The following TASOR2 variants were observed in gnomAD, a reference collection of about 807,000 sequenced individuals.
The protein encoded by TASOR2 is protein TASOR 2.
In TASOR2, 84 loss-of-function variants were observed where a neutral mutation model predicts 199.5. That is an observed-to-expected ratio of 0.42 (90% CI 0.35 to 0.50). The LOEUF is 0.50. Ranked by LOEUF, TASOR2 falls within the 20% of genes least tolerant of loss-of-function variation. The pLI is 0.02. For synonymous variants in TASOR2, 1,103 were observed against 1,046.6 expected, an observed-to-expected ratio of 1.05 and a Z score of -1.04; for missense variants, 2,796 against 2,835.9, an observed-to-expected ratio of 0.99 and a Z score of 0.32.
chr10:5,749,758 A>G, exon 15 of TASOR2: 1 of 1,614,050 alleles, frequency 6.2e-7, no homozygotes, highest in Non-Finnish European at 8.5e-7. Flanking sequence ...ACTTATTCTC[A>G]ATGAGTATGC....
chr10:5,752,440 G>A lies in TASOR2; in HGVS notation c.6606+2413G>A, dbSNP rs1400192331. Among the ~76,000 whole-genome samples, 1 of 152,118 alleles carries A rather than the reference G, an allele frequency of 6.6e-6. No individual in the cohort carries two copies. Among genetic ancestry groups the A allele is most frequent in the Non-Finnish European group, 1.5e-5 (1 of 68,016 alleles). Reference sequence around the variant, plus strand: ...GCCGTGTGTCGGTTCCACACATGAGGGGCCTGCAGGCCACGTGCAGGCCGT... The same window carrying A: ...GCCGTGTGTCGGTTCCACACATGAGAGGCCTGCAGGCCACGTGCAGGCCGT... On this transcript the variant is annotated intron_variant, in intron 15 of 20. Transcript: ENST00000328090. This position sits in a 1 kb window ranked among gnomAD's most constrained non-coding sequence, Gnocchi z 4.4.
intron 1 of TASOR2, among the ~76,000 whole-genome samples, chr10:5,705,667 A>G (rs1245022563): frequency 1.3e-5 from 2 of 152,148 alleles, no homozygotes; most frequent in Admixed American, 6.5e-5. Flanking sequence ...TAGCCATTCT[A>G]CTGGAGCAGT....
At chr10:5,724,676 T>C (rs1440534995) in intron 8 of TASOR2, 143 bp downstream of exon 9, 3 of 178,540 alleles carry the variant, frequency 1.7e-5, no homozygotes, top group Non-Finnish European at 3.5e-5. Context: ...TATATAGATA[T>C]AGATCGATAT....
At chr10:5,727,294 C>A (rs565570982) in intron 10 of TASOR2, among the ~76,000 whole-genome samples, 171 bp downstream of exon 11, 340 of 152,332 alleles carry the variant, frequency 2.2e-3, no homozygotes, top group Non-Finnish European at 3.4e-3. Flanking sequence ...GTTTATGCTT[C>A]CCTCTGAGCC....
intron 8 of TASOR2, 26 bp from the exon 10 acceptor site, chr10:5,726,859 A>G (rs1834115867): frequency 6.3e-7 from 1 of 1,589,606 alleles, no homozygotes; most frequent in African/African-American, 1.3e-5. Context: ...ATATTCCTTC[A>G]GTTGAATTTT....
At chr10:5,735,008 T>C (rs1435406934) in intron 11 of TASOR2, among the ~76,000 whole-genome samples, 1 of 152,088 alleles carries the variant, frequency 6.6e-6, no homozygotes, top group African/African-American at 2.4e-5. Flanking sequence ...GTTTTGTTTG[T>C]TTGTTTGTTT....
In TASOR2 at chr10:5,699,068, A is replaced by G. The variant is rs1009611244; in HGVS notation, c.-287-13755A>G. Among the ~76,000 whole-genome samples the G allele has an allele frequency of 3.9e-5, 6 of 152,358 alleles. No individual in the cohort carries two copies. The highest frequency in any genetic ancestry group is 1.4e-4 in the African/African-American group (6 of 41,590). Reference sequence around the variant, plus strand: ...TAATTATTCATAATAGCCAAAATGTAGAAACAACCCAAATGTGCATCAGTT... The same window carrying G: ...TAATTATTCATAATAGCCAAAATGTGGAAACAACCCAAATGTGCATCAGTT... On this transcript the variant is annotated intron_variant, in intron 1 of 20. Coordinates refer to ENST00000328090, the Ensembl canonical transcript of TASOR2. The surrounding 1 kb of genome is among the most constrained non-coding windows in gnomAD (Gnocchi z 4.1).
At chr10:5,712,361 A>G (rs1832034577) in intron 1 of TASOR2, 2 of 1,230,078 alleles carry the variant, frequency 1.6e-6, no homozygotes, top group Non-Finnish European at 2.0e-6. Context: ...TGGAATCTTA[A>G]ATAGCTGCGT....
chr10:5,756,900 C>G (rs1839042948), intron 16 of TASOR2, among the ~76,000 whole-genome samples, 162 bp downstream of exon 17: 1 of 152,040 alleles, frequency 6.6e-6, no homozygotes, highest in South Asian at 2.1e-4. Context: ...TGCAATATTA[C>G]CAAGTTATTT....
At chr10:5,724,319 T>C in intron 7 of TASOR2, 111 bp from the exon 9 acceptor site, 1 of 444,220 alleles carries the variant, frequency 2.3e-6, no homozygotes, top group Non-Finnish European at 4.1e-6. Context: ...TAAAGGTTTC[T>C]GAGTAGTATT....
In TASOR2 at chr10:5,736,676, G is replaced by A. The variant is rs556631487; in HGVS notation, c.1447+1130G>A. ...CTGCTCCAGTTTTGTATTTTCAACT[G>A]CTAGATATAACCTCTGTACTAGAAA... On this transcript the variant is annotated intron_variant, in intron 12 of 20. Coordinates refer to ENST00000328090, the Ensembl canonical transcript of TASOR2. Among the ~76,000 whole-genome samples the A allele has an allele frequency of 8.5e-5, 13 of 152,296 alleles. 1 individual carries two copies. The South Asian group carries it at 2.7e-3, about 32-fold the overall frequency.
intron 6 of TASOR2, among the ~76,000 whole-genome samples, chr10:5,721,565 A>G: frequency 6.6e-6 from 1 of 152,088 alleles, no homozygotes; most frequent in Non-Finnish European, 1.5e-5. Flanking sequence ...GCCTTTTTTA[A>G]GAAGAGGTAG....
At chr10:5,728,527 T>G (rs1169206823) in intron 10 of TASOR2, among the ~76,000 whole-genome samples, 2 of 151,654 alleles carry the variant, frequency 1.3e-5, no homozygotes, top group Non-Finnish European at 2.9e-5. Flanking sequence ...TTCCAGCTAC[T>G]CAGGAGGCTG....
At chr10:5,707,005 A>AT (rs1838715271) in intron 1 of TASOR2, among the ~76,000 whole-genome samples, 1 of 150,726 alleles carries the variant, frequency 6.6e-6, no homozygotes, top group Non-Finnish European at 1.5e-5. Flanking sequence ...CTCCGTCTCA[A>AT]AAAAAAAAAA....
At chr10:5,758,299 G>C (rs1475017620) in intron 17 of TASOR2, among the ~76,000 whole-genome samples, 1 of 152,116 alleles carries the variant, frequency 6.6e-6, no homozygotes, top group African/African-American at 2.4e-5. Context: ...CCAACACTTT[G>C]GGAGGCCAAG....
rs184179340 is a variant in TASOR2, at chr10:5,740,873, A to G, written c.2327+376A>G. Among the ~76,000 whole-genome samples the G allele has an allele frequency of 1.1e-3, 168 of 152,362 alleles. No homozygotes were observed. Among genetic ancestry groups the G allele is most frequent in the African/African-American group, 3.8e-3 (159 of 41,584 alleles). ...GAATTCCAGAAGAAACATTTTAAAA[A>G]TCACTGTAGCTTGGTAAATTGGTCA... On this transcript the variant is annotated intron_variant, in intron 13 of 20. Transcript: ENST00000328090. The surrounding 1 kb of genome is among the most constrained non-coding windows in gnomAD (Gnocchi z 5.3).
chr10:5,689,262 TTTG>T lies in TASOR2; in HGVS notation c.-288+4093_-288+4095del. On this transcript the variant is annotated intron_variant, in intron 1 of 20. Coordinates refer to ENST00000328090, the Ensembl canonical transcript of TASOR2. The surrounding 1 kb of genome is among the most constrained non-coding windows in gnomAD (Gnocchi z 4.1). ...GTTCTGACTGTTTTTTGTGGGTTCTTTTGTTGTTTGTTTTGATCTTTAGCTTTT... is the reference window on the plus strand; with the variant it reads ...GTTCTGACTGTTTTTTGTGGGTTCTTTTGTTTGTTTTGATCTTTAGCTTTT... Among the ~76,000 whole-genome samples, 1 of 152,308 alleles carries T rather than the reference TTTG, an allele frequency of 6.6e-6. No individual in the cohort carries two copies. Among genetic ancestry groups the T allele is most frequent in the East Asian group, 1.9e-4 (1 of 5,190 alleles).
Position 5,688,046 on chromosome 10 carries a change from A to G in TASOR2, c.-288+2871A>G, listed in dbSNP as rs116215619. 6.7e-3 allele frequency among the ~76,000 whole-genome samples: 1,026 copies of G among 152,276 alleles called. 19 individuals are homozygous for G. Among genetic ancestry groups the G allele is most frequent in the African/African-American group, 0.024 (980 of 41,552 alleles). The stretch of plus-strand genomic sequence containing the variant: ...ACGCTGAAGGTCTCCTTTAATGACT[A>G]GAGTCTCATCTGCTTTTGTATTCAT... On this transcript the variant is annotated intron_variant, in intron 1 of 20. Transcript: ENST00000328090.
intron 2 of TASOR2, among the ~76,000 whole-genome samples, chr10:5,714,974 A>G (rs1832420178): frequency 6.6e-6 from 1 of 152,132 alleles, no homozygotes; most frequent in Non-Finnish European, 1.5e-5. Flanking sequence ...ATGGCATGGA[A>G]AGAGAAGATG....
Sources: allele counts gnomAD v4.1 joint callset (sites outside exome capture counted in the v4.1 genomes callset), GRCh38; gene constraint gnomAD v4.1.1; non-coding constraint Gnocchi (gnomAD v3.1); transcripts MANE v1.5; gene names NCBI Gene and HGNC (gene_info 2026-07-23, HGNC 2026-07-21).